The following MYOZ2 variants were observed in gnomAD, a reference collection of about 807,000 sequenced individuals.
The protein encoded by MYOZ2 is myozenin 2.
Under a neutral mutation model 25.4 loss-of-function variants are expected in MYOZ2, and 19 were observed. The ratio of observed to expected loss-of-function variants is 0.75; its 90% CI spans 0.52 to 1.10. The LOEUF is 1.10. Among genes scored for constraint, MYOZ2 ranks in the 50% least tolerant of loss-of-function variants. The pLI is 0.00. For missense variants in MYOZ2, 270 were observed against 317.9 expected (o/e 0.85, Z 1.15); for synonymous variants, 92 against 106.9 (o/e 0.86, Z 0.86).
chr4:119,187,658 A>G lies in MYOZ2; in HGVS notation c.*1458A>G, dbSNP rs1249033746. On this transcript the variant is annotated 3_prime_UTR_variant, in exon 6 of 6. Coordinates refer to ENST00000307128, the MANE Select transcript of MYOZ2 (RefSeq NM_016599.5). ...CTTAAGATATCTTAATTTTATTTAT[A>G]AGTTTTGGTGTTTACCTGTTTTAAA... is the stretch of plus-strand genomic sequence containing the variant. 4 of 152,066 alleles carry G rather than the reference A, an allele frequency of 2.6e-5. No individual in the cohort carries two copies. The highest frequency in any genetic ancestry group is 9.7e-5 in the African/African-American group (4 of 41,430). 9.4% of individuals were successfully genotyped at this position (152,066 alleles called of 1,614,324 possible).
At chr4:119,167,359 G>C (rs1419471278) in intron 5 of MYOZ2, among the ~76,000 whole-genome samples, 1 of 152,222 alleles carries the variant, frequency 6.6e-6, no homozygotes, top group Admixed American at 6.5e-5. Context: ...TCAACTTTAT[G>C]AAGGCTTAGA....
chr4:119,157,980 A>C (rs199859421), intron 3 of MYOZ2, 42 bp from the exon 4 acceptor site: 10 of 1,611,272 alleles, frequency 6.2e-6, no homozygotes, highest in Non-Finnish European at 8.5e-6. Flanking sequence ...TTGTGCTTAC[A>C]TTTTTGAGTT....
At chr4:119,182,563 G>A (rs1179648945) in intron 5 of MYOZ2, among the ~76,000 whole-genome samples, 1 of 152,126 alleles carries the variant, frequency 6.6e-6, no homozygotes, top group Non-Finnish European at 1.5e-5. Flanking sequence ...AGGGTGGGGG[G>A]AGATGGTTTC....
chr4:119,170,949 G>A (rs1741934586), intron 5 of MYOZ2, among the ~76,000 whole-genome samples: 1 of 152,102 alleles, frequency 6.6e-6, no homozygotes, highest in Admixed American at 6.5e-5. Flanking sequence ...CTTAAAATGA[G>A]TAAAAATAAG....
At chr4:119,177,186 G>A (rs561898222) in intron 5 of MYOZ2, among the ~76,000 whole-genome samples, 4 of 152,108 alleles carry the variant, frequency 2.6e-5, no homozygotes, top group East Asian at 3.9e-4. Context: ...TTTGTAGTTC[G>A]CCATTATGAT....
chr4:119,150,138 C>T (rs1487743781), intron 2 of MYOZ2, among the ~76,000 whole-genome samples: 1 of 152,082 alleles, frequency 6.6e-6, no homozygotes, highest in East Asian at 1.9e-4. Flanking sequence ...TAGGAAATAA[C>T]ACTCATTTAC....
At chr4:119,149,636 G>T (rs1741402666) in intron 2 of MYOZ2, among the ~76,000 whole-genome samples, 1 of 151,994 alleles carries the variant, frequency 6.6e-6, no homozygotes, top group African/African-American at 2.4e-5. Flanking sequence ...TGGGTCCTGG[G>T]GTCCCTAGCT....
At chr4:119,169,416 G>A (rs1741901386) in intron 5 of MYOZ2, among the ~76,000 whole-genome samples, 1 of 152,202 alleles carries the variant, frequency 6.6e-6, no homozygotes, top group South Asian at 2.1e-4. Context: ...AAGGACATAA[G>A]TAAGATTTTC....
chr4:119,172,417 G>A (rs1741965534), intron 5 of MYOZ2, among the ~76,000 whole-genome samples: 1 of 152,206 alleles, frequency 6.6e-6, no homozygotes, highest in Non-Finnish European at 1.5e-5. Context: ...TGGTCAGGTG[G>A]AAGATGAAAT....
At chr4:119,147,630 G>A (rs1163414525) in intron 2 of MYOZ2, among the ~76,000 whole-genome samples, 1 of 151,668 alleles carries the variant, frequency 6.6e-6, no homozygotes, top group African/African-American at 2.4e-5. Flanking sequence ...TGTAATCCCA[G>A]CTACTCGGGA....
At chr4:119,157,782 G>T (rs922043066) in intron 3 of MYOZ2, among the ~76,000 whole-genome samples, 3 of 152,090 alleles carry the variant, frequency 2.0e-5, no homozygotes, top group Admixed American at 6.6e-5. Context: ...CTCAATTTCA[G>T]CTCTAATCAT....
At chr4:119,164,440 A>G in intron 5 of MYOZ2, 46 bp downstream of exon 5, 1 of 1,597,388 alleles carries the variant, frequency 6.3e-7, no homozygotes, top group Non-Finnish European at 8.6e-7. Flanking sequence ...CAATACCAAA[A>G]TTTTTTCATC....
chr4:119,179,727 T>C (rs1742149676), intron 5 of MYOZ2, among the ~76,000 whole-genome samples: 1 of 152,200 alleles, frequency 6.6e-6, no homozygotes, highest in African/African-American at 2.4e-5. Context: ...GCTTGGGAAG[T>C]CCAAGATCAA....
At chr4:119,141,794 C>G (rs547433822) in intron 2 of MYOZ2, among the ~76,000 whole-genome samples, 1 of 152,166 alleles carries the variant, frequency 6.6e-6, no homozygotes, top group Non-Finnish European at 1.5e-5. Context: ...TTAAACACAC[C>G]GTTAAGAACC....
chr4:119,163,814 AC>A (rs1462783870), intron 4 of MYOZ2, among the ~76,000 whole-genome samples: 2 of 152,168 alleles, frequency 1.3e-5, no homozygotes, highest in Non-Finnish European at 2.9e-5. Context: ...GATTTCCCCT[AC>A]CTTAGACTAC....
chr4:119,144,695 C>T (rs1741247111), intron 2 of MYOZ2, among the ~76,000 whole-genome samples: 1 of 152,180 alleles, frequency 6.6e-6, no homozygotes, highest in African/African-American at 2.4e-5. Context: ...TCCCTAGTGA[C>T]TGATGATGTT....
At chr4:119,163,011 ACATAGGT>A (rs755066085) in intron 4 of MYOZ2, among the ~76,000 whole-genome samples, 1 of 152,342 alleles carries the variant, frequency 6.6e-6, no homozygotes, top group Non-Finnish European at 1.5e-5. Flanking sequence ...AATTATCAAT[ACATAGGT>A]CACAATTGAA....
chr4:119,147,915 G>C (rs1741343367), intron 2 of MYOZ2, among the ~76,000 whole-genome samples: 1 of 152,002 alleles, frequency 6.6e-6, no homozygotes, highest in African/African-American at 2.4e-5. Flanking sequence ...ATTGTATATA[G>C]CTATATTTCT....
chr4:119,168,641 G>A (rs12650057), intron 5 of MYOZ2, among the ~76,000 whole-genome samples: 90,110 of 151,902 alleles, frequency 0.59, 29,202 homozygotes, highest in East Asian at 0.74. Flanking sequence ...GTGGAGTGTG[G>A]AGATGTGACT....
Sources: gnomAD v4.1 joint callset for allele counts (sites outside exome capture counted in the v4.1 genomes callset) on GRCh38, gnomAD v4.1.1 for gene constraint, MANE v1.5 for transcripts, NCBI Gene and HGNC (gene_info 2026-07-23, HGNC 2026-07-21) for gene names.